Variants in AXIN2 observed in about 807,000 individuals in gnomAD.
AXIN2 encodes axin-2.
AXIN2 carries 21 observed loss-of-function variants against 74.7 expected under a neutral mutation model. The ratio of observed to expected loss-of-function variants is 0.28; its 90% CI spans 0.20 to 0.40. AXIN2 has a LOEUF of 0.40. Ranked by LOEUF, AXIN2 falls within the 10% of genes least tolerant of loss-of-function variation. AXIN2 has a pLI of 1.00. For missense variants in AXIN2, 1,144 were observed against 1,111.1 expected (o/e 1.03, Z -0.42); for synonymous variants, 532 against 454.9 (o/e 1.17, Z -2.16).
chr17:65,558,648 G>T lies in AXIN2; in HGVS notation c.-28C>A. 1.3e-6 allele frequency: 2 copies of T among 1,595,930 alleles called. No homozygotes were observed. The highest frequency in any genetic ancestry group is 1.7e-6 in the Non-Finnish European group (2 of 1,177,412). On this transcript the variant is annotated 5_prime_UTR_variant, in exon 2 of 11. Transcript: ENST00000307078. ...TGAGGGAGCTCTTCCCACTGAGTCT[G>T]GGAATTTTTCTTCTTCCAGTTCCTC...
At chr17:65,532,352 A>T (rs1242984253) in intron 10 of AXIN2, among the ~76,000 whole-genome samples, 2 of 152,206 alleles carry the variant, frequency 1.3e-5, no homozygotes, top group Non-Finnish European at 2.9e-5. Flanking sequence ...AGACAAAGCC[A>T]AGATCAAAAT....
At chr17:65,536,755 G>A (rs930762981) in intron 7 of AXIN2, 114 bp downstream of exon 7, 16 of 1,498,202 alleles carry the variant, frequency 1.1e-5, no homozygotes, top group Middle Eastern at 4.4e-4. Context: ...TAAGATGGCA[G>A]GAGCAAATAG....
At position 65,549,551 on chromosome 17, in the gene AXIN2, C is replaced by T. The variant is rs1341462069; in HGVS notation, c.925G>A (p.Asp309Asn). 1 of 1,611,906 alleles carries T rather than the reference C, an allele frequency of 6.2e-7. No homozygotes were observed. Among genetic ancestry groups the T allele is most frequent in the South Asian group, 1.1e-5 (1 of 90,414 alleles). ...DSEISSDALT[D>N]DSMSMTDSSV... ...CTGTCCGTCATGGACATGGAATCAT[C>T]CGTCAGCGCATCACTGGATATCTCA... The change falls in exon 3 of 11, where the codon GAT becomes AAT. Residue 309 changes from aspartate (D) to asparagine (N), a missense_variant. By Grantham distance (23) the Asp-to-Asn change is conservative (BLOSUM62 1). This residue lies in a region of AXIN2 where 1,053 missense variants were observed against 973.5 expected (regional missense o/e 1.08). Coordinates refer to ENST00000307078, the MANE Select transcript of AXIN2 (RefSeq NM_004655.4).
chr17:65,535,499 C>T lies in AXIN2; in HGVS notation c.2237+127G>A, dbSNP rs1046750282. 44 of 869,838 alleles carry T rather than the reference C, an allele frequency of 5.1e-5. No homozygotes were observed. In the Admixed American group the frequency reaches 8.4e-4, roughly 17 times the overall value. The allele number at this position is 869,838 out of a possible 1,614,324, so 53.9% of individuals were successfully genotyped here. On this transcript the variant is annotated intron_variant, in intron 9 of 10. Coordinates refer to ENST00000307078, the MANE Select transcript of AXIN2 (RefSeq NM_004655.4). ...CATCTACGTTTACTGTTCCTCATCA[C>T]TAGCGCTAAAATCAAAGTGATTTTA...
chr17:65,549,337 G>A (rs913512097), intron 3 of AXIN2, among the ~76,000 whole-genome samples, 183 bp downstream of exon 3: 1 of 152,140 alleles, frequency 6.6e-6, no homozygotes, highest in African/African-American at 2.4e-5. Context: ...CTACCCAGAT[G>A]ACCATGTCAT....
intron 4 of AXIN2, among the ~76,000 whole-genome samples, chr17:65,540,295 T>C (rs535534229): frequency 2.0e-5 from 3 of 152,340 alleles, no homozygotes; most frequent in Non-Finnish European, 2.9e-5. Context: ...CAAATGTTTA[T>C]TGAGCACCTA....
In AXIN2 at chr17:65,538,207, C is replaced by T. The variant is rs765865516; in HGVS notation, c.1196G>A (p.Arg399Gln). 2.5e-6 allele frequency: 4 copies of T among 1,614,248 alleles called. No homozygotes were observed. The highest frequency in any genetic ancestry group is 2.5e-6 in the Non-Finnish European group (3 of 1,180,050). ...HSLEERLQQI[R>Q]EDEEREGSEL... ...AGAAGGCCTAGGCCGCATTACCTCTCGGATCTGCTGCAGGCGCTCCTCCAG... is the reference window on the plus strand; with the variant it reads ...AGAAGGCCTAGGCCGCATTACCTCTTGGATCTGCTGCAGGCGCTCCTCCAG... Residue 399 changes from arginine (R) to glutamine (Q), a missense_variant, in exon 5 of 11, where the codon CGA (arginine) becomes CAA (glutamine). By Grantham distance (43) the Arg-to-Gln change is conservative. Transcript: ENST00000307078.
intron 2 of AXIN2, among the ~76,000 whole-genome samples, chr17:65,554,918 G>A (rs2044245885): frequency 6.6e-6 from 1 of 152,214 alleles, no homozygotes; most frequent in African/African-American, 2.4e-5. Flanking sequence ...CACTGTGCGT[G>A]TGTGTGTCTG....
chr17:65,557,905 A>C lies in AXIN2; in HGVS notation c.716T>G (p.Phe239Cys), dbSNP rs1598119093. ...NEEEEWTCAD[F>C]KCKLSPTVVG... is the part of the protein sequence containing the mutation. The stretch of plus-strand genomic sequence containing the variant: ...CACGGTTGGCGAAAGTTTGCACTTG[A>C]AGTCGGCACAAGTCCACTCCTCTTC... Residue 239 changes from phenylalanine (F) to cysteine (C), a missense_variant, in exon 2 of 11, where the codon TTC (phenylalanine) becomes TGC (cysteine). Phe to Cys is a radical substitution (Grantham distance 205). Around this residue, in one of 4 missense-constraint regions of AXIN2, gnomAD observed 1,053 missense variants for 973.5 expected, o/e 1.08. Transcript: ENST00000307078. The C allele has an allele frequency of 6.2e-7, 1 of 1,614,158 alleles. No homozygotes were observed. The highest frequency in any genetic ancestry group is 8.5e-7 in the Non-Finnish European group (1 of 1,180,018).
chr17:65,530,495 C>G (rs2043798566), intron 10 of AXIN2, among the ~76,000 whole-genome samples: 1 of 152,224 alleles, frequency 6.6e-6, no homozygotes, highest in African/African-American at 2.4e-5. Flanking sequence ...CAGCAGGAGC[C>G]AAGCAGGTCC....
chr17:65,536,882 G>C lies in AXIN2; in HGVS notation c.1894C>G (p.Pro632Ala). The C allele has an allele frequency of 6.2e-7, 1 of 1,613,314 alleles. No homozygotes were observed. The highest frequency in any genetic ancestry group is 8.5e-7 in the Non-Finnish European group (1 of 1,179,936). The part of the protein sequence containing the change: ...WMLESERQSK[P>A]KPHSAQSTKK... ...AGCGGTGTTTACCTATGGGGCTTGG[G>C]CTTGCTCTGCCGCTCACTCTCCAGC... Residue 632 changes from proline to alanine, a missense_variant, in exon 7 of 11, where the codon CCC (proline) becomes GCC (alanine). Coordinates refer to ENST00000307078, the MANE Select transcript of AXIN2 (RefSeq NM_004655.4).
At chr17:65,530,797 A>G (rs2043803227) in intron 10 of AXIN2, among the ~76,000 whole-genome samples, 1 of 151,808 alleles carries the variant, frequency 6.6e-6, no homozygotes, top group Non-Finnish European at 1.5e-5. Flanking sequence ...CTCCCATCCC[A>G]TCCCTCCAGG....
chr17:65,550,037 T>C (rs1320199460), intron 2 of AXIN2, among the ~76,000 whole-genome samples: 1 of 152,186 alleles, frequency 6.6e-6, no homozygotes, highest in Non-Finnish European at 1.5e-5. Context: ...TGAAATATCT[T>C]TCTCTGCTCC....
chr17:65,558,626 G>C lies in AXIN2; in HGVS notation c.-6C>G, dbSNP rs1460453771. ...ACCAACATAGCGCTACTCATGGTGA[G>C]GGAGCTCTTCCCACTGAGTCTGGGA... On this transcript the variant is annotated 5_prime_UTR_variant, in exon 2 of 11. Transcript: ENST00000307078. 6.2e-7 allele frequency: 1 copy of C among 1,603,976 alleles called. No individual in the cohort carries two copies. Among genetic ancestry groups the C allele is most frequent in the Admixed American group, 1.7e-5 (1 of 59,986 alleles).
intron 2 of AXIN2, among the ~76,000 whole-genome samples, chr17:65,555,744 G>A (rs944625525): frequency 1.3e-5 from 2 of 152,276 alleles, no homozygotes; most frequent in Middle Eastern, 3.4e-3. Context: ...TGGAATGCAA[G>A]CCTTTGAATA....
chr17:65,558,667 G>C lies in AXIN2; in HGVS notation c.-47C>G. ...GAGTCTGGGAATTTTTCTTCTTCCA[G>C]TTCCTCTCAGCAATCGGCGTGGTCT... On this transcript the variant is annotated 5_prime_UTR_variant, in exon 2 of 11. Coordinates refer to ENST00000307078, the MANE Select transcript of AXIN2 (RefSeq NM_004655.4). The C allele has an allele frequency of 6.4e-7, 1 of 1,566,222 alleles. No homozygotes were observed. The highest frequency in any genetic ancestry group is 8.6e-7 in the Non-Finnish European group (1 of 1,158,446).
Position 65,535,689 on chromosome 17 carries a change from T to A in AXIN2, c.2174A>T (p.Asn725Ile), listed in dbSNP as rs533243256. Residue 725 changes from asparagine (N) to isoleucine (I), a missense_variant, in exon 9 of 11, where the codon AAT becomes ATT. By Grantham distance (149) the Asn-to-Ile change is moderately radical. Transcript: ENST00000307078. ...TCCCGTCTGAACAGTGGCCGAATGA[T>A]TCCTGTCCCTCTGCTGACTGGCCAC... ...CCVASQQRDR[N>I]HSATVQTGAT... 2 of 1,614,152 alleles carry A rather than the reference T, an allele frequency of 1.2e-6. No individual in the cohort carries two copies. Among genetic ancestry groups the A allele is most frequent in the East Asian group, 4.5e-5 (2 of 44,882 alleles).
In AXIN2 at chr17:65,552,889, G is replaced by A. The variant is rs1405084558; in HGVS notation, c.816-3229C>T. Among the ~76,000 whole-genome samples, 10 of 152,058 alleles carry A rather than the reference G, an allele frequency of 6.6e-5. 1 individual carries two copies. Among genetic ancestry groups the A allele is most frequent in the African/African-American group, 1.4e-4 (6 of 41,386 alleles). ...ACTAAAAATACAAAACTAGCCGGGC[G>A]TGGTGGCGCGTGCTTGTAATCCCAG... is the stretch of plus-strand genomic sequence containing the variant. On this transcript the variant is annotated intron_variant, in intron 2 of 10. Transcript: ENST00000307078.
chr17:65,560,404 G>A (rs1041858242), intron 1 of AXIN2: 7 of 147,914 alleles, frequency 4.7e-5, no homozygotes, highest in East Asian at 4.2e-4. Flanking sequence ...AGGAGGAGAG[G>A]ATGGGGCGGA....
Sources: allele counts gnomAD v4.1 joint callset (sites outside exome capture counted in the v4.1 genomes callset), GRCh38; gene constraint gnomAD v4.1.1; regional missense constraint gnomAD v4.1.1; transcripts MANE v1.5; gene names NCBI Gene and HGNC (gene_info 2026-07-23, HGNC 2026-07-21).